TBC1D5: variants seen among roughly 807,000 people sequenced by gnomAD.
TBC1D5 encodes the protein TBC1 domain family member 5.
Under a neutral mutation model 100.3 loss-of-function variants are expected in TBC1D5, and 75 were observed. The ratio of observed to expected loss-of-function variants is 0.75; its 90% CI spans 0.62 to 0.91. The LOEUF is 0.91. TBC1D5 is among the 40% of genes least tolerant of loss of function. The pLI, the probability that TBC1D5 is intolerant of heterozygous loss-of-function variation, is 0.00. For missense variants in TBC1D5, 910 were observed against 942.4 expected, an observed-to-expected ratio of 0.97 and a Z score of 0.45; for synonymous variants, 323 against 325.6, an observed-to-expected ratio of 0.99 and a Z score of 0.09.
chr3:17,334,555 T>C (rs116365850), intron 13 of TBC1D5, among the ~76,000 whole-genome samples: 3,350 of 152,196 alleles, frequency 0.022, 118 homozygotes, highest in African/African-American at 0.075. Flanking sequence ...GGGTCAGGAT[T>C]AAAACCTAGG....
chr3:17,729,490 G>A (rs979503432), intron 1 of TBC1D5, among the ~76,000 whole-genome samples: 14 of 151,044 alleles, frequency 9.3e-5, no homozygotes, highest in African/African-American at 1.5e-4. Flanking sequence ...GACAGATTAC[G>A]AGGTCAGGAG....
At chr3:17,405,723 A>G (rs1008243935) in intron 5 of TBC1D5, among the ~76,000 whole-genome samples, 1 of 152,070 alleles carries the variant, frequency 6.6e-6, no homozygotes, top group African/African-American at 2.4e-5. Context: ...AAAACTGTCT[A>G]ATACACTATG....
chr3:17,321,824 T>G (rs1242655619), intron 13 of TBC1D5, among the ~76,000 whole-genome samples: 1 of 152,238 alleles, frequency 6.6e-6, no homozygotes, highest in East Asian at 1.9e-4. Context: ...TAAAATTTAC[T>G]GAATATTTTT....
At chr3:17,603,162 T>TC in intron 2 of TBC1D5, among the ~76,000 whole-genome samples, 1 of 151,422 alleles carries the variant, frequency 6.6e-6, no homozygotes, top group East Asian at 1.9e-4. Flanking sequence ...TTGGTTTTTT[T>TC]TTTTTTTTTT....
chr3:17,501,449 G>T (rs2095787314), intron 3 of TBC1D5, among the ~76,000 whole-genome samples: 1 of 149,058 alleles, frequency 6.7e-6, no homozygotes, highest in African/African-American at 2.6e-5. Flanking sequence ...TAACATTTTA[G>T]ATTATTAGGA....
At chr3:17,401,065 C>G (rs963673423) in intron 8 of TBC1D5, among the ~76,000 whole-genome samples, 1 of 152,056 alleles carries the variant, frequency 6.6e-6, no homozygotes, top group African/African-American at 2.4e-5. Context: ...ATACATCTTT[C>G]CTAACAGTTC....
intron 1 of TBC1D5, among the ~76,000 whole-genome samples, chr3:17,627,021 T>C (rs557191367): frequency 2.0e-5 from 3 of 152,196 alleles, no homozygotes; most frequent in Admixed American, 6.5e-5. Context: ...TAGGACAGAT[T>C]TGAGGACAGC....
At position 17,704,153 on chromosome 3, in the gene TBC1D5, T is replaced by C. The variant is rs531514771; in HGVS notation, c.-101+35190A>G. The stretch of plus-strand genomic sequence containing the variant: ...CGAGCATGCTGCCTTCAAGCATCTG[T>C]TTAACAAAGCACATCTTGCACCGCC... On this transcript the variant is annotated intron_variant, in intron 1 of 21. Coordinates refer to ENST00000253692, the Ensembl canonical transcript of TBC1D5. 3.0e-3 allele frequency among the ~76,000 whole-genome samples: 429 copies of C among 141,474 alleles called. 1 individual carries two copies. Among genetic ancestry groups the C allele is most frequent in the African/African-American group, 0.011 (401 of 37,848 alleles). The allele number at this position is 141,474 out of a possible 152,430, so 92.8% of individuals were successfully genotyped here.
chr3:17,531,503 G>C (rs368829554), intron 2 of TBC1D5, among the ~76,000 whole-genome samples: 22 of 152,098 alleles, frequency 1.4e-4, no homozygotes, highest in South Asian at 8.3e-4. Context: ...TCATATGGAA[G>C]CAAAAAAGAG....
intron 17 of TBC1D5, among the ~76,000 whole-genome samples, chr3:17,226,834 A>C (rs1276422014): frequency 6.6e-6 from 1 of 152,178 alleles, no homozygotes; most frequent in Non-Finnish European, 1.5e-5. Context: ...ATTTAAAATT[A>C]TTTTAGATTG....
At chr3:17,705,095 G>T in intron 1 of TBC1D5, among the ~76,000 whole-genome samples, 1 of 132,036 alleles carries the variant, frequency 7.6e-6, no homozygotes, top group Non-Finnish European at 1.7e-5. Context: ...TGGCCAGGCG[G>T]GGGGCTGACC....
At chr3:17,388,265 T>C (rs938928215) in intron 8 of TBC1D5, among the ~76,000 whole-genome samples, 4 of 152,056 alleles carry the variant, frequency 2.6e-5, no homozygotes, top group African/African-American at 9.7e-5. Flanking sequence ...ATCACAAACA[T>C]GTGGTGTGTA....
chr3:17,363,526 A>G (rs1159904760), intron 13 of TBC1D5, among the ~76,000 whole-genome samples: 1 of 151,628 alleles, frequency 6.6e-6, no homozygotes, highest in East Asian at 1.9e-4. Context: ...GTGCACCACC[A>G]TACCTGGCTA....
Position 17,507,208 on chromosome 3 carries a change from A to C in TBC1D5, c.97+1266T>G, listed in dbSNP as rs540348819. ...TATTTAACTACGAATGCTTCTTATG[A>C]GTATTACATTTAAGAGAAAATATCA... On this transcript the variant is annotated intron_variant, in intron 3 of 21. Transcript: ENST00000253692. Among the ~76,000 whole-genome samples the C allele has an allele frequency of 2.0e-5, 3 of 152,342 alleles. No individual in the cohort carries two copies. The East Asian group carries it at 5.8e-4, about 29-fold the overall frequency.
At position 17,655,459 on chromosome 3, in the gene TBC1D5, T is replaced by TTAAATTA. The variant is rs10689924; in HGVS notation, c.-100-31547_-100-31546insTAATTTA. On this transcript the variant is annotated intron_variant, in intron 1 of 21. Coordinates refer to ENST00000253692, the Ensembl canonical transcript of TBC1D5. ...TACCCTAAAACTTAAAGTATAATAA[T>TTAAATTA]AATTAAATTAAATTAAATTAAATTA... Among the ~76,000 whole-genome samples the TTAAATTA allele has an allele frequency of 1.7e-3, 252 of 148,668 alleles. 3 individuals carry two copies. Among genetic ancestry groups the TTAAATTA allele is most frequent in the Middle Eastern group, 7.1e-3 (2 of 282 alleles).
intron 2 of TBC1D5, among the ~76,000 whole-genome samples, chr3:17,582,062 C>CT (rs2153536804): frequency 6.6e-6 from 1 of 152,308 alleles, no homozygotes; most frequent in Admixed American, 6.5e-5. Flanking sequence ...TCCAAACTCT[C>CT]TATCTCCCAC....
At chr3:17,656,807 T>C (rs926327803) in intron 1 of TBC1D5, among the ~76,000 whole-genome samples, 5 of 146,526 alleles carry the variant, frequency 3.4e-5, no homozygotes, top group African/African-American at 1.3e-4. Context: ...GATATTTTAT[T>C]TATCATCAAA....
At chr3:17,376,246 A>C (rs1428173037) in intron 10 of TBC1D5, among the ~76,000 whole-genome samples, 1 of 152,114 alleles carries the variant, frequency 6.6e-6, no homozygotes, top group Non-Finnish European at 1.5e-5. Flanking sequence ...TTGTGATTAC[A>C]ACAAAAATTT....
intron 2 of TBC1D5, among the ~76,000 whole-genome samples, chr3:17,620,450 A>G (rs370715728): frequency 6.6e-6 from 1 of 152,268 alleles, no homozygotes; most frequent in African/African-American, 2.4e-5. Flanking sequence ...CGGCACACAC[A>G]AAGTAGTAAG....
Sources: gnomAD v4.1 joint callset for allele counts (sites outside exome capture counted in the v4.1 genomes callset) on GRCh38, gnomAD v4.1.1 for gene constraint, MANE v1.5 for transcripts, NCBI Gene and HGNC (gene_info 2026-07-23, HGNC 2026-07-21) for gene names.